The following PDZD9 variants were observed in gnomAD, a reference collection of about 807,000 sequenced individuals.
PDZD9 encodes PDZ domain containing 9.
In PDZD9, 13 loss-of-function variants were observed where a neutral mutation model predicts 16.3. That is an observed-to-expected ratio of 0.80 (90% CI 0.52 to 1.27). PDZD9 has a LOEUF of 1.27. Among genes scored for constraint, PDZD9 ranks in the 50% most tolerant of loss-of-function variants. The probability of loss-of-function intolerance (pLI) is 0.00; values close to 1 mark genes in which losing one functional copy is unlikely to be tolerated. For synonymous variants in PDZD9, 120 were observed against 111.0 expected (o/e 1.08, Z -0.51); for missense variants, 288 against 310.9 (o/e 0.93, Z 0.55).
intron 2 of PDZD9, among the ~76,000 whole-genome samples, chr16:21,995,528 T>TA (rs1899126622): frequency 1.3e-5 from 2 of 152,148 alleles, no homozygotes; most frequent in South Asian, 4.1e-4. Context: ...TTAAATGAAT[T>TA]AATATGCCCA....
the PDZD9 span, among the ~76,000 whole-genome samples, chr16:21,966,822 G>A: frequency 6.6e-6 from 1 of 152,116 alleles, no homozygotes; most frequent in Non-Finnish European, 1.5e-5. Flanking sequence ...CTACAAGGAT[G>A]GCTATTGTAA....
At chr16:21,980,788 A>T, downstream of PDZD9, 1 of 1,499,162 alleles carries the variant, frequency 6.7e-7, no homozygotes, top group Middle Eastern at 2.2e-4. Flanking sequence ...GTCCTTGGGC[A>T]GTGTATTATT....
At chr16:21,978,577 G>C in the PDZD9 span, among the ~76,000 whole-genome samples, 1 of 152,166 alleles carries the variant, frequency 6.6e-6, no homozygotes, top group Non-Finnish European at 1.5e-5. Context: ...GGCAGGAGTT[G>C]CTTCACTAAT....
intron 2 of PDZD9, 101 bp downstream of exon 2, chr16:21,996,221 C>T (rs551440849): frequency 1.5e-5 from 20 of 1,317,634 alleles, no homozygotes; most frequent in Admixed American, 1.5e-4. Flanking sequence ...CCAGCATGCC[C>T]GTCATATCCT....
chr16:21,988,493 C>G, intron 3 of PDZD9, 109 bp downstream of exon 3: 1 of 907,776 alleles, frequency 1.1e-6, no homozygotes, highest in Non-Finnish European at 1.7e-6. Context: ...GTCACCAGTC[C>G]TCCTGTCATG....
At chr16:21,966,974 T>C in the PDZD9 span, among the ~76,000 whole-genome samples, 1 of 152,244 alleles carries the variant, frequency 6.6e-6, no homozygotes, top group Non-Finnish European at 1.5e-5. Context: ...TGTTGTCACA[T>C]AAAGCAATTT....
the PDZD9 span, chr16:21,968,647 A>G: frequency 6.2e-7 from 1 of 1,609,228 alleles, no homozygotes; most frequent in South Asian, 1.1e-5. Context: ...TTCGTTCAGA[A>G]CCATTTCACA....
intron 2 of PDZD9, among the ~76,000 whole-genome samples, chr16:21,993,005 C>T (rs1899061627): frequency 6.6e-6 from 1 of 152,130 alleles, no homozygotes; most frequent in African/African-American, 2.4e-5. Context: ...CTCACACTCC[C>T]TCCTGCCGCC....
At chr16:21,960,950 C>T in the PDZD9 span, among the ~76,000 whole-genome samples, 1 of 152,256 alleles carries the variant, frequency 6.6e-6, no homozygotes, top group African/African-American at 2.4e-5. Flanking sequence ...TCTCCCTCCG[C>T]TTCCCAAGTA....
intron 2 of PDZD9, among the ~76,000 whole-genome samples, chr16:21,991,200 A>G (rs1411702535): frequency 6.6e-6 from 1 of 151,710 alleles, no homozygotes; most frequent in Non-Finnish European, 1.5e-5. Context: ...TAGCCAGTCC[A>G]TGACTTGTAT....
At position 21,984,545 on chromosome 16, in the gene PDZD9, G is replaced by A. The variant is rs1316627529; in HGVS notation, c.517C>T (p.His173Tyr). The change falls in exon 4 of 4, where the codon CAT becomes TAT. Residue 173 changes from histidine to tyrosine, a missense_variant. Transcript: ENST00000424898. ...QYYRYPWSTV[H>Y]HPARRPISIS... The stretch of plus-strand genomic sequence containing the variant: ...GATATTGGTCTCCTTGCAGGGTGAT[G>A]CACAGTTGACCACGGATATCTATAA... 27 of 1,598,682 alleles carry A rather than the reference G, an allele frequency of 1.7e-5. No individual in the cohort carries two copies. Among genetic ancestry groups the A allele is most frequent in the Non-Finnish European group, 2.2e-5 (26 of 1,167,720 alleles).
chr16:21,974,502 C>T, the PDZD9 span, among the ~76,000 whole-genome samples: 2 of 152,174 alleles, frequency 1.3e-5, no homozygotes, highest in Middle Eastern at 3.2e-3. Context: ...AGTGAAATAA[C>T]ATTCATTACC....
At chr16:21,957,666 G>T in the PDZD9 span, 3 of 1,454,906 alleles carry the variant, frequency 2.1e-6, no homozygotes, top group Admixed American at 2.4e-5. Flanking sequence ...TTGATTCCTT[G>T]ACCTGCCATA....
At chr16:21,978,212 C>T in the PDZD9 span, among the ~76,000 whole-genome samples, 6 of 152,086 alleles carry the variant, frequency 3.9e-5, no homozygotes, top group East Asian at 1.9e-4. Flanking sequence ...GTGTCATTGC[C>T]GAAAGGACAC....
chr16:21,992,114 A>G (rs1408562145), intron 2 of PDZD9, among the ~76,000 whole-genome samples: 1 of 152,170 alleles, frequency 6.6e-6, no homozygotes. Flanking sequence ...CTGTAATCCC[A>G]GCACTTTGGG....
downstream of PDZD9, chr16:21,983,041 T>C: frequency 2.6e-6 from 4 of 1,548,386 alleles, no homozygotes; most frequent in South Asian, 2.3e-5. Flanking sequence ...CTTGATGATA[T>C]ATATTTTTAT....
chr16:21,993,234 C>T (rs1406042598), intron 2 of PDZD9, among the ~76,000 whole-genome samples: 3 of 152,156 alleles, frequency 2.0e-5, no homozygotes, highest in Admixed American at 6.5e-5. Context: ...AAAGAGCCCA[C>T]TAACTATAGC....
chr16:21,974,742 C>A, the PDZD9 span, among the ~76,000 whole-genome samples: 1 of 152,084 alleles, frequency 6.6e-6, no homozygotes, highest in African/African-American at 2.4e-5. Context: ...GCAAAAAGAT[C>A]GGAGCAGATA....
chr16:21,971,816 G>A, the PDZD9 span: 42 of 1,508,562 alleles, frequency 2.8e-5, no homozygotes, highest in East Asian at 2.7e-4. Context: ...GCACCGAGCT[G>A]CAGAAAAGAC....
Sources: allele counts gnomAD v4.1 joint callset (sites outside exome capture counted in the v4.1 genomes callset), GRCh38; gene constraint gnomAD v4.1.1; transcripts MANE v1.5; gene names NCBI Gene and HGNC (gene_info 2026-07-23, HGNC 2026-07-21).